The following CNTNAP2 variants were observed in gnomAD, a reference collection of about 807,000 sequenced individuals.
CNTNAP2 encodes the protein contactin-associated protein-like 2.
CNTNAP2 carries 98 observed loss-of-function variants against 155.2 expected under a neutral mutation model. The ratio of observed to expected loss-of-function variants is 0.63; its 90% CI spans 0.54 to 0.75. The LOEUF (loss-of-function observed/expected upper bound fraction) is 0.75, where lower values mean the gene tolerates loss of function less well. Among genes scored for constraint, CNTNAP2 ranks in the 30% least tolerant of loss-of-function variants. The probability of loss-of-function intolerance (pLI) is 0.00; values close to 1 mark genes in which losing one functional copy is unlikely to be tolerated. For synonymous variants in CNTNAP2, 651 were observed against 631.2 expected (o/e 1.03, Z -0.47); for missense variants, 1,727 against 1,688.1 (o/e 1.02, Z -0.40).
chr7:147,203,475 G>A (rs1336612812), intron 8 of CNTNAP2, among the ~76,000 whole-genome samples: 7 of 151,982 alleles, frequency 4.6e-5, no homozygotes, highest in Admixed American at 1.3e-4. Context: ...CAGGTGATCC[G>A]CCCGCCTCGG....
Position 148,270,020 on chromosome 7 carries a change from A to G in CNTNAP2, c.3475+2894A>G, listed in dbSNP as rs113903067. ...CTTTTTATTACTTTGTGGAACCTGC[A>G]AAGTCAAATTTTGATGGGAATGTTG... is the stretch of plus-strand genomic sequence containing the variant. On this transcript the variant is annotated intron_variant, in intron 21 of 23. Transcript: ENST00000361727. Among the ~76,000 whole-genome samples the G allele has an allele frequency of 1.4e-3, 218 of 152,322 alleles. 1 individual carries two copies. Among genetic ancestry groups the G allele is most frequent in the Non-Finnish European group, 2.5e-3 (173 of 68,026 alleles).
chr7:148,152,346 G>A (rs1805312284), intron 17 of CNTNAP2, among the ~76,000 whole-genome samples: 1 of 151,878 alleles, frequency 6.6e-6, no homozygotes, highest in Admixed American at 6.6e-5. Context: ...TAGGGGTGTG[G>A]AAAATTGTCC....
chr7:147,579,667 T>C (rs1416507273), intron 12 of CNTNAP2, among the ~76,000 whole-genome samples: 1 of 152,180 alleles, frequency 6.6e-6, no homozygotes, highest in Non-Finnish European at 1.5e-5. Context: ...TTAATAAATA[T>C]GTTTTTAATG....
chr7:146,531,633 C>T (rs1225397718), intron 1 of CNTNAP2, among the ~76,000 whole-genome samples: 1 of 152,094 alleles, frequency 6.6e-6, no homozygotes. Flanking sequence ...GCAACCTCCG[C>T]CTCCCAGGTT....
intron 15 of CNTNAP2, among the ~76,000 whole-genome samples, chr7:148,049,595 A>G (rs1261599467): frequency 6.6e-6 from 1 of 152,206 alleles, no homozygotes; most frequent in Non-Finnish European, 1.5e-5. Context: ...CAGCAGTTCC[A>G]TAAGATTATA....
At chr7:147,622,253 C>T (rs1023739476) in intron 12 of CNTNAP2, among the ~76,000 whole-genome samples, 9 of 151,948 alleles carry the variant, frequency 5.9e-5, no homozygotes, top group African/African-American at 2.2e-4. Context: ...AACAAAAAAA[C>T]ATCAGACTTA....
chr7:147,956,377 A>G (rs1310518182), intron 14 of CNTNAP2, among the ~76,000 whole-genome samples: 1 of 151,952 alleles, frequency 6.6e-6, no homozygotes, highest in Non-Finnish European at 1.5e-5. Flanking sequence ...TAAATGAGCT[A>G]GGATGCAAAA....
chr7:147,842,235 A>G (rs187144073), intron 13 of CNTNAP2, among the ~76,000 whole-genome samples: 2 of 152,374 alleles, frequency 1.3e-5, no homozygotes, highest in East Asian at 3.9e-4. Context: ...GTAAGTAACA[A>G]CTGTGTGATC....
intron 1 of CNTNAP2, among the ~76,000 whole-genome samples, chr7:146,596,595 CAGAGAGAGAGAGAGAG>C (rs368697909): frequency 1.0e-3 from 109 of 105,076 alleles, no homozygotes; most frequent in Middle Eastern, 5.9e-3. Flanking sequence ...AGAAGGGAGA[CAGAGAGAGAGAGAGAG>C]AGAGAGAGAG....
At chr7:147,571,597 G>A (rs1179743735) in intron 12 of CNTNAP2, among the ~76,000 whole-genome samples, 1 of 151,948 alleles carries the variant, frequency 6.6e-6, no homozygotes, top group African/African-American at 2.4e-5. Context: ...GAATTGTACT[G>A]GATATCATCG....
intron 1 of CNTNAP2, among the ~76,000 whole-genome samples, chr7:146,738,116 A>G (rs1801651609): frequency 6.6e-6 from 1 of 152,036 alleles, no homozygotes; most frequent in Non-Finnish European, 1.5e-5. Flanking sequence ...CAATTGTACT[A>G]ATTTATATTC....
At chr7:148,165,363 G>A (rs1324365462) in intron 17 of CNTNAP2, among the ~76,000 whole-genome samples, 2 of 152,086 alleles carry the variant, frequency 1.3e-5, no homozygotes, top group Non-Finnish European at 2.9e-5. Context: ...ATCTTCAAAT[G>A]CAGTCACATT....
chr7:147,110,901 T>C (rs774289370), intron 5 of CNTNAP2, among the ~76,000 whole-genome samples: 8 of 152,220 alleles, frequency 5.3e-5, no homozygotes, highest in Non-Finnish European at 8.8e-5. Context: ...AGTAATGGGA[T>C]TGCTGGGTCA....
chr7:148,267,170 A>G, intron 21 of CNTNAP2, 44 bp downstream of exon 21: 1 of 1,505,314 alleles, frequency 6.6e-7, no homozygotes. Flanking sequence ...CTACAAATAC[A>G]TTTGGGTAAT....
chr7:147,274,248 T>G (rs1050260034), intron 8 of CNTNAP2, among the ~76,000 whole-genome samples: 2 of 152,218 alleles, frequency 1.3e-5, no homozygotes, highest in African/African-American at 4.8e-5. Flanking sequence ...CCATAGAAGT[T>G]GTACTAATTT....
At chr7:147,790,158 C>G (rs1354881288) in intron 13 of CNTNAP2, among the ~76,000 whole-genome samples, 2 of 152,136 alleles carry the variant, frequency 1.3e-5, no homozygotes, top group Non-Finnish European at 2.9e-5. Context: ...CATTCAGCTT[C>G]CCGCTTAAAT....
intron 10 of CNTNAP2, among the ~76,000 whole-genome samples, chr7:147,461,758 A>G (rs1282802799): frequency 1.6e-4 from 24 of 152,156 alleles, no homozygotes; most frequent in Admixed American, 1.6e-3. Context: ...ACAATTTTAT[A>G]ATATGCATAT....
At chr7:147,538,757 C>T (rs1184395617) in intron 11 of CNTNAP2, among the ~76,000 whole-genome samples, 5 of 152,094 alleles carry the variant, frequency 3.3e-5, no homozygotes, top group African/African-American at 1.2e-4. Context: ...AACTAAAAGG[C>T]CTGATATCAT....
At chr7:147,795,314 A>G (rs1040291063) in intron 13 of CNTNAP2, among the ~76,000 whole-genome samples, 1 of 151,876 alleles carries the variant, frequency 6.6e-6, no homozygotes, top group Non-Finnish European at 1.5e-5. Flanking sequence ...CCTTTTAATT[A>G]GATTGTTTAA....
Sources: allele counts gnomAD v4.1 joint callset (sites outside exome capture counted in the v4.1 genomes callset), GRCh38; gene constraint gnomAD v4.1.1; transcripts MANE v1.5; gene names NCBI Gene and HGNC (gene_info 2026-07-23, HGNC 2026-07-21).